Variants in LDAH observed in about 807,000 individuals in gnomAD.
LDAH encodes the protein lipid droplet associated hydrolase.
In LDAH, 26 loss-of-function variants were observed where a neutral mutation model predicts 29.6. The ratio of observed to expected loss-of-function variants is 0.88; its 90% CI spans 0.64 to 1.22. The LOEUF (loss-of-function observed/expected upper bound fraction) is 1.22. Ranked by LOEUF, LDAH falls within the 50% of genes most tolerant of loss-of-function variation. The pLI is 0.00. For missense variants in LDAH, 344 were observed against 387.3 expected (o/e 0.89, Z 0.94); for synonymous variants, 117 against 133.0 (o/e 0.88, Z 0.83).
At chr2:20,708,045 C>A (rs1214101028) in intron 5 of LDAH, among the ~76,000 whole-genome samples, 1 of 152,140 alleles carries the variant, frequency 6.6e-6, no homozygotes, top group African/African-American at 2.4e-5. Flanking sequence ...GATTGTCTAG[C>A]TGCAGGAAAA....
chr2:20,696,059 A>T (rs1663448892), intron 6 of LDAH, among the ~76,000 whole-genome samples: 1 of 152,164 alleles, frequency 6.6e-6, no homozygotes, highest in African/African-American at 2.4e-5. Context: ...ATAAAAACAA[A>T]CCTATCTATT....
chr2:20,741,738 G>A (rs1041662695), intron 4 of LDAH, among the ~76,000 whole-genome samples: 1 of 152,046 alleles, frequency 6.6e-6, no homozygotes, highest in Non-Finnish European at 1.5e-5. Context: ...GTCTTCCTGT[G>A]TCTGGTTTAT....
At chr2:20,777,010 C>T (rs993273130) in intron 3 of LDAH, among the ~76,000 whole-genome samples, 1 of 152,154 alleles carries the variant, frequency 6.6e-6, no homozygotes, top group Non-Finnish European at 1.5e-5. Flanking sequence ...TCCTCATACA[C>T]AAAATAGAGA....
At chr2:20,707,765 T>A (rs1208354382) in intron 5 of LDAH, among the ~76,000 whole-genome samples, 2 of 152,180 alleles carry the variant, frequency 1.3e-5, no homozygotes, top group Non-Finnish European at 2.9e-5. Flanking sequence ...CAACCAACAA[T>A]GCATCCACTA....
rs1663944467 is a variant in LDAH, at chr2:20,701,619, A to C, written c.737T>G (p.Met246Arg). 12 of 1,614,114 alleles carry C rather than the reference A, an allele frequency of 7.4e-6. No homozygotes were observed. The highest frequency in any genetic ancestry group is 1.0e-5 in the Non-Finnish European group (12 of 1,180,004). The change falls in exon 6 of 7, where the codon ATG (methionine) becomes AGG (arginine). Residue 246 changes from methionine to arginine, a missense_variant. Transcript: ENST00000237822. ...TTCGTCATCTCTCTTCACCACCTCC[A>C]TCATTTCTTGGCCCCCAAGGTAGGC... ...NAAYLGGQEM[M>R]EVVKRDDETI...
At chr2:20,700,422 G>T (rs528022607) in intron 6 of LDAH, among the ~76,000 whole-genome samples, 1 of 152,058 alleles carries the variant, frequency 6.6e-6, no homozygotes, top group East Asian at 1.9e-4. Flanking sequence ...TACACTTCTC[G>T]TTTTAAGATA....
At chr2:20,707,705 C>A (rs1053241023) in intron 5 of LDAH, among the ~76,000 whole-genome samples, 1 of 152,158 alleles carries the variant, frequency 6.6e-6, no homozygotes, top group African/African-American at 2.4e-5. Flanking sequence ...AGGGAATAAT[C>A]CCTGAATTGA....
intron 5 of LDAH, among the ~76,000 whole-genome samples, chr2:20,715,153 C>G (rs190548624): frequency 2.0e-5 from 3 of 152,352 alleles, no homozygotes; most frequent in Admixed American, 2.0e-4. Flanking sequence ...CAAACCGAAT[C>G]CAGCAGCACA....
At position 20,691,882 on chromosome 2, in the gene LDAH, T is replaced by G. The variant is rs138141484; in HGVS notation, c.787-4788A>C. Among the ~76,000 whole-genome samples, 3 of 152,372 alleles carry G rather than the reference T, an allele frequency of 2.0e-5. No homozygotes were observed. The East Asian group carries it at 5.8e-4, about 29-fold the overall frequency. ...AAGTGGATTTATGGTTACTATGGTCTCTGGGCTTATAGATGAACTTCCCTT... is the reference window on the plus strand; with the variant it reads ...AAGTGGATTTATGGTTACTATGGTCGCTGGGCTTATAGATGAACTTCCCTT... On this transcript the variant is annotated intron_variant, in intron 6 of 6. Transcript: ENST00000237822.
chr2:20,713,359 C>A (rs1014468246), intron 5 of LDAH, among the ~76,000 whole-genome samples: 1 of 152,024 alleles, frequency 6.6e-6, no homozygotes, highest in African/African-American at 2.4e-5. Flanking sequence ...TGTCACCAGG[C>A]CTGCCTTACA....
chr2:20,822,191 C>CTCGGCTCACTGCAAGCT (rs1483226391), intron 1 of LDAH, among the ~76,000 whole-genome samples: 1 of 151,400 alleles, frequency 6.6e-6, no homozygotes, highest in East Asian at 1.9e-4. Flanking sequence ...GTGGCGCCAT[C>CTCGGCTCACTGCAAGCT]TCGGCTCACT....
intron 6 of LDAH, among the ~76,000 whole-genome samples, chr2:20,701,143 C>T (rs1163465122): frequency 6.6e-6 from 1 of 152,140 alleles, no homozygotes; most frequent in Non-Finnish European, 1.5e-5. Flanking sequence ...GTCTTAGGGT[C>T]AGAGCAGGAC....
In LDAH at chr2:20,790,407, A is replaced by G. The variant is rs553687; in HGVS notation, c.155-9T>C. On this transcript the variant is annotated splice_polypyrimidine_tract_variant and intron_variant, in intron 2 of 6. Transcript: ENST00000237822. ...AGAAAAACCTGGGTTACCTAAGAAA[A>G]GAAACACAGACCTTAGATTAATCAA... 0.011 allele frequency: 18,069 copies of G among 1,611,282 alleles called. 1,725 individuals carry two copies. In the African/African-American group the frequency reaches 0.21, roughly 19 times the overall value.
chr2:20,721,683 T>C (rs748071948), intron 5 of LDAH, among the ~76,000 whole-genome samples: 3 of 152,142 alleles, frequency 2.0e-5, no homozygotes, highest in Non-Finnish European at 2.9e-5. Flanking sequence ...CTGTAAACTG[T>C]TGGGAATGTA....
At chr2:20,713,421 A>G (rs558705713) in intron 5 of LDAH, among the ~76,000 whole-genome samples, 20 of 152,370 alleles carry the variant, frequency 1.3e-4, no homozygotes, top group South Asian at 1.0e-3. Context: ...GGTACCAGCC[A>G]CTGCAAAAAT....
At chr2:20,777,621 G>A in intron 3 of LDAH, among the ~76,000 whole-genome samples, 1 of 151,884 alleles carries the variant, frequency 6.6e-6, no homozygotes, top group Non-Finnish European at 1.5e-5. Flanking sequence ...TGTTGGCCAG[G>A]CTGGTCTCAA....
intron 5 of LDAH, among the ~76,000 whole-genome samples, chr2:20,720,177 G>A (rs1352059048): frequency 6.6e-6 from 1 of 152,038 alleles, no homozygotes; most frequent in Non-Finnish European, 1.5e-5. Context: ...AATTAACCTT[G>A]TTTGCAGATG....
intron 4 of LDAH, among the ~76,000 whole-genome samples, chr2:20,740,848 T>C (rs529267516): frequency 6.6e-6 from 1 of 152,224 alleles, no homozygotes; most frequent in Admixed American, 6.5e-5. Flanking sequence ...CACCAAACTG[T>C]CTTCCAAGGT....
intron 4 of LDAH, among the ~76,000 whole-genome samples, chr2:20,757,627 G>A (rs951239336): frequency 8.5e-5 from 13 of 152,194 alleles, no homozygotes; most frequent in African/African-American, 3.1e-4. Context: ...TTGGATGTGT[G>A]AGGGTGTTTC....
Sources: allele counts gnomAD v4.1 joint callset (sites outside exome capture counted in the v4.1 genomes callset), GRCh38; gene constraint gnomAD v4.1.1; transcripts MANE v1.5; gene names NCBI Gene and HGNC (gene_info 2026-07-23, HGNC 2026-07-21).